Variants in DPP10 observed in about 807,000 individuals in gnomAD.
DPP10 encodes the protein dipeptidyl peptidase like 10, also known as inactive dipeptidyl peptidase 10.
Under a neutral mutation model 120.9 loss-of-function variants are expected in DPP10, and 33 were observed. The ratio of observed to expected loss-of-function variants is 0.27; its 90% CI spans 0.21 to 0.37. The LOEUF is 0.37. Among genes scored for constraint, DPP10 ranks in the 10% least tolerant of loss-of-function variants. The pLI, the probability that DPP10 is intolerant of heterozygous loss-of-function variation, is 1.00. For synonymous variants in DPP10, 337 were observed against 326.1 expected (o/e 1.03, Z -0.36); for missense variants, 816 against 942.8 (o/e 0.87, Z 1.76).
intron 5 of DPP10, among the ~76,000 whole-genome samples, chr2:115,639,525 A>C (rs960174769): frequency 6.6e-6 from 1 of 152,160 alleles, no homozygotes; most frequent in African/African-American, 2.4e-5. Context: ...AGTATATGGG[A>C]GGCTGAGGGT....
intron 1 of DPP10, among the ~76,000 whole-genome samples, chr2:114,451,194 G>A (rs1015241543): frequency 6.6e-6 from 1 of 151,724 alleles, no homozygotes; most frequent in Non-Finnish European, 1.5e-5. Context: ...TTTTCCTTTA[G>A]GTGTATCCTC....
rs58530701 is a variant in DPP10, at chr2:114,967,265, G to C, written c.61-341974G>C. Among the ~76,000 whole-genome samples, 227 of 152,330 alleles carry C rather than the reference G, an allele frequency of 1.5e-3. 2 individuals are homozygous for C. Among genetic ancestry groups the C allele is most frequent in the African/African-American group, 5.2e-3 (216 of 41,574 alleles). Reference sequence around the variant, plus strand: ...TTGATAATTATTGGAACAGTGCTATGGAGCAAGTGAGAAGGCATGGATCTG... The same window carrying C: ...TTGATAATTATTGGAACAGTGCTATCGAGCAAGTGAGAAGGCATGGATCTG... On this transcript the variant is annotated intron_variant, in intron 1 of 25. Transcript: ENST00000410059.
intron 4 of DPP10, among the ~76,000 whole-genome samples, chr2:115,505,387 G>C (rs1203026066): frequency 6.6e-6 from 1 of 152,120 alleles, no homozygotes; most frequent in Non-Finnish European, 1.5e-5. Context: ...GAGCCTATTA[G>C]ATATATGTGA....
chr2:115,381,181 C>G (rs1002492143), intron 3 of DPP10, among the ~76,000 whole-genome samples: 1 of 152,208 alleles, frequency 6.6e-6, no homozygotes, highest in Admixed American at 6.5e-5. Context: ...CCGTCACTTT[C>G]ACGTACACCA....
chr2:114,753,388 G>A (rs1679414603), intron 1 of DPP10, among the ~76,000 whole-genome samples: 1 of 152,138 alleles, frequency 6.6e-6, no homozygotes, highest in Non-Finnish European at 1.5e-5. Flanking sequence ...TAGCCCGTAT[G>A]AGCCTTAGTG....
chr2:115,443,473 G>T (rs1260724439), intron 3 of DPP10, among the ~76,000 whole-genome samples: 1 of 152,120 alleles, frequency 6.6e-6, no homozygotes, highest in South Asian at 2.1e-4. Flanking sequence ...AATATGCAGT[G>T]CTGAATTGGA....
intron 1 of DPP10, among the ~76,000 whole-genome samples, chr2:114,703,225 A>G (rs1230025542): frequency 1.3e-5 from 2 of 152,180 alleles, no homozygotes; most frequent in African/African-American, 2.4e-5. Context: ...TTCAAAAAAA[A>G]TAATATATCT....
intron 2 of DPP10, among the ~76,000 whole-genome samples, chr2:115,333,775 G>T (rs1343175988): frequency 6.6e-6 from 1 of 152,028 alleles, no homozygotes; most frequent in Non-Finnish European, 1.5e-5. Flanking sequence ...GGCTTATAGG[G>T]TTTCTGCCGA....
chr2:115,416,818 T>C (rs1455240920), intron 3 of DPP10, among the ~76,000 whole-genome samples: 1 of 152,152 alleles, frequency 6.6e-6, no homozygotes, highest in African/African-American at 2.4e-5. Flanking sequence ...AGACCAGTTA[T>C]GAGGCTGCGT....
chr2:115,560,885 C>G (rs961494197), intron 5 of DPP10, among the ~76,000 whole-genome samples: 1 of 152,116 alleles, frequency 6.6e-6, no homozygotes, highest in Non-Finnish European at 1.5e-5. Flanking sequence ...CTTGATGTCT[C>G]ACAACATGGG....
In DPP10 at chr2:114,730,594, G is replaced by C. The variant is rs180893418; in HGVS notation, c.60+287756G>C. Reference sequence around the variant, plus strand: ...TTTTTGTTTTTTTGTTTGGTTCGTTGTTTGTTTGTTTGTTTGTCTGAGACA... The same window carrying C: ...TTTTTGTTTTTTTGTTTGGTTCGTTCTTTGTTTGTTTGTTTGTCTGAGACA... On this transcript the variant is annotated intron_variant, in intron 1 of 25. Coordinates refer to ENST00000410059, the MANE Select transcript of DPP10 (RefSeq NM_020868.6). 9.7e-3 allele frequency among the ~76,000 whole-genome samples: 1,431 copies of C among 147,746 alleles called. 23 individuals carry two copies. The highest frequency in any genetic ancestry group is 0.036 in the African/African-American group (1,347 of 37,338).
At position 114,834,430 on chromosome 2, in the gene DPP10, A is replaced by C. The variant is rs191067463; in HGVS notation, c.60+391592A>C. Among the ~76,000 whole-genome samples, 81 of 150,690 alleles carry C rather than the reference A, an allele frequency of 5.4e-4. No individual in the cohort carries two copies. In the East Asian group the frequency reaches 0.011, roughly 20 times the overall value. ...CATATCTACACACCTATGTATATAT[A>C]AGCCATATCTACACACCTATGTACA... is the stretch of plus-strand genomic sequence containing the variant. On this transcript the variant is annotated intron_variant, in intron 1 of 25. Transcript: ENST00000410059.
chr2:114,839,979 TATA>T (rs1688030367), intron 1 of DPP10, among the ~76,000 whole-genome samples: 1 of 152,138 alleles, frequency 6.6e-6, no homozygotes, highest in South Asian at 2.1e-4. Context: ...ACTAATGGTC[TATA>T]TAGCATTTCA....
intron 4 of DPP10, among the ~76,000 whole-genome samples, chr2:115,500,501 G>T (rs990625501): frequency 6.6e-6 from 1 of 151,788 alleles, no homozygotes. Context: ...TTATGGAATG[G>T]CCCTATGGAA....
At chr2:115,767,893 A>G (rs1680986796) in intron 12 of DPP10, among the ~76,000 whole-genome samples, 1 of 152,172 alleles carries the variant, frequency 6.6e-6, no homozygotes, top group African/African-American at 2.4e-5. Flanking sequence ...ATGTTACAGA[A>G]TTTTGTAATT....
chr2:115,576,332 T>C (rs2081653499), intron 5 of DPP10, among the ~76,000 whole-genome samples: 2 of 152,220 alleles, frequency 1.3e-5, no homozygotes, highest in African/African-American at 4.8e-5. Flanking sequence ...TTGAATGGTG[T>C]ATAGCAGTGC....
chr2:114,993,017 C>G (rs1213159480), intron 1 of DPP10, among the ~76,000 whole-genome samples: 1 of 152,148 alleles, frequency 6.6e-6, no homozygotes, highest in African/African-American at 2.4e-5. Context: ...CGGTAGTTGT[C>G]TTAATATGTC....
intron 1 of DPP10, chr2:115,161,424 G>C (rs1296110370): frequency 6.6e-6 from 1 of 152,068 alleles, no homozygotes; most frequent in African/African-American, 2.4e-5. Context: ...GGTAACCGCG[G>C]AAGCCGGCGG....
intron 4 of DPP10, among the ~76,000 whole-genome samples, chr2:115,514,519 G>A (rs898842633): frequency 6.6e-5 from 10 of 151,356 alleles, no homozygotes; most frequent in Admixed American, 2.0e-4. Flanking sequence ...ATTACTCTCA[G>A]GGTTTTCCAG....
Sources: gnomAD v4.1 joint callset for allele counts (sites outside exome capture counted in the v4.1 genomes callset) on GRCh38, gnomAD v4.1.1 for gene constraint, MANE v1.5 for transcripts, NCBI Gene and HGNC (gene_info 2026-07-23, HGNC 2026-07-21) for gene names.